DLG2: variants seen among roughly 807,000 people sequenced by gnomAD.
DLG2 encodes disks large homolog 2.
Under a neutral mutation model 132.5 loss-of-function variants are expected in DLG2, and 45 were observed. The observed-to-expected ratio is 0.34, with a 90% confidence interval of 0.27 to 0.44. The LOEUF is 0.44. DLG2 is among the 20% of genes least tolerant of loss of function. The pLI, the probability that DLG2 is intolerant of heterozygous loss-of-function variation, is 1.00. For synonymous variants in DLG2, 424 were observed against 419.6 expected (o/e 1.01, Z -0.13); for missense variants, 1,045 against 1,196.9 (o/e 0.87, Z 1.87).
intron 4 of DLG2, among the ~76,000 whole-genome samples, chr11:85,236,501 A>G (rs897270774): frequency 3.3e-5 from 5 of 151,948 alleles, no homozygotes; most frequent in African/African-American, 1.2e-4. Flanking sequence ...AGTCATATTG[A>G]ATGAGGGTCT....
intron 3 of DLG2, among the ~76,000 whole-genome samples, chr11:85,487,028 C>G (rs1218115969): frequency 1.3e-5 from 2 of 150,636 alleles, no homozygotes; most frequent in East Asian, 3.9e-4. Context: ...ATACCACTGA[C>G]CCTGTGTGCT....
At position 83,791,548 on chromosome 11, in the gene DLG2, T is replaced by G. The variant is rs191572431; in HGVS notation, c.1723-4756A>C. 4,258 of 551,836 alleles carry G rather than the reference T, an allele frequency of 7.7e-3. 30 individuals are homozygous for G. Among genetic ancestry groups the G allele is most frequent in the Middle Eastern group, 0.018 (60 of 3,418 alleles). The allele number at this position is 551,836 out of a possible 1,614,324, so 34.2% of individuals were successfully genotyped here. The stretch of plus-strand genomic sequence containing the variant: ...TTACTTTTATTCAAGTTAAAGGATT[T>G]CCAGAAGGTTTTAAAACTGATTTTC... On this transcript the variant is annotated intron_variant, in intron 17 of 27. Transcript: ENST00000376104.
chr11:85,280,869 A>T (rs2078178811), intron 4 of DLG2, among the ~76,000 whole-genome samples: 4 of 151,698 alleles, frequency 2.6e-5, no homozygotes, highest in Admixed American at 6.6e-5. Context: ...AATGTTTTTA[A>T]AAAGGTCATT....
intron 8 of DLG2, among the ~76,000 whole-genome samples, chr11:84,163,744 A>C (rs1170728122): frequency 6.6e-6 from 1 of 152,146 alleles, no homozygotes. Context: ...TCCCTTAGTA[A>C]TTCTGTGATT....
At chr11:84,633,023 C>T (rs1380496773) in intron 6 of DLG2, among the ~76,000 whole-genome samples, 1 of 152,124 alleles carries the variant, frequency 6.6e-6, no homozygotes, top group African/African-American at 2.4e-5. Flanking sequence ...TAGGACTCTG[C>T]TCCTGAGATG....
At chr11:84,115,973 T>C (rs2093615319) in intron 9 of DLG2, among the ~76,000 whole-genome samples, 1 of 152,182 alleles carries the variant, frequency 6.6e-6, no homozygotes, top group Admixed American at 6.5e-5. Context: ...GTTTAAGAAA[T>C]GAGTGTCTCA....
At chr11:84,083,204 C>A (rs1448112541) in intron 10 of DLG2, among the ~76,000 whole-genome samples, 3 of 152,116 alleles carry the variant, frequency 2.0e-5, no homozygotes, top group Non-Finnish European at 4.4e-5. Flanking sequence ...CGCTTGAACC[C>A]AGGAGGTGGA....
chr11:85,102,633 C>A (rs897845273), intron 6 of DLG2, among the ~76,000 whole-genome samples: 1 of 151,898 alleles, frequency 6.6e-6, no homozygotes, highest in African/African-American at 2.4e-5. Context: ...AGGGAACTTC[C>A]TCAGCTTGAT....
At chr11:85,414,924 A>G in intron 3 of DLG2, among the ~76,000 whole-genome samples, 1 of 152,010 alleles carries the variant, frequency 6.6e-6, no homozygotes, top group African/African-American at 2.4e-5. Flanking sequence ...GATTTTTTAC[A>G]TAGGTATACA....
At chr11:85,185,864 G>T (rs890029675) in intron 4 of DLG2, among the ~76,000 whole-genome samples, 3 of 151,830 alleles carry the variant, frequency 2.0e-5, no homozygotes, top group Non-Finnish European at 2.9e-5. Flanking sequence ...CAAAAGCCAT[G>T]TAAGGTAGAT....
chr11:84,699,369 C>T (rs2058962367), intron 6 of DLG2, among the ~76,000 whole-genome samples: 1 of 151,506 alleles, frequency 6.6e-6, no homozygotes, highest in Non-Finnish European at 1.5e-5. Flanking sequence ...AATATAATAA[C>T]TGTTGGCTTT....
intron 6 of DLG2, among the ~76,000 whole-genome samples, chr11:84,992,871 T>C (rs752337628): frequency 1.3e-5 from 2 of 152,142 alleles, no homozygotes; most frequent in Non-Finnish European, 2.9e-5. Flanking sequence ...GTGTTGCAAA[T>C]CCTCAAGGAT....
At chr11:84,881,151 G>A (rs1298869790) in intron 6 of DLG2, among the ~76,000 whole-genome samples, 1 of 152,124 alleles carries the variant, frequency 6.6e-6, no homozygotes, top group Non-Finnish European at 1.5e-5. Flanking sequence ...AAATTAGTAA[G>A]TGCCTGCTGA....
intron 15 of DLG2, among the ~76,000 whole-genome samples, chr11:83,927,728 A>C (rs1046201607): frequency 6.6e-6 from 1 of 152,142 alleles, no homozygotes; most frequent in Non-Finnish European, 1.5e-5. Context: ...ACTGAGAATA[A>C]GCCTGGAGGT....
chr11:84,359,072 G>T (rs2098634797), intron 7 of DLG2, among the ~76,000 whole-genome samples: 1 of 151,866 alleles, frequency 6.6e-6, no homozygotes, highest in Admixed American at 6.6e-5. Context: ...AAACCCAGGT[G>T]TATCTGACCC....
intron 6 of DLG2, among the ~76,000 whole-genome samples, chr11:84,966,221 T>A (rs1190972249): frequency 6.6e-6 from 1 of 152,086 alleles, no homozygotes; most frequent in Non-Finnish European, 1.5e-5. Flanking sequence ...TATCTATCTG[T>A]CTGTCTGTTT....
chr11:85,021,497 C>A (rs964176842), intron 6 of DLG2: 2 of 1,479,820 alleles, frequency 1.4e-6, no homozygotes, highest in Non-Finnish European at 1.9e-6. Context: ...TGAAAGAAGG[C>A]AAAGCCGTTA....
intron 3 of DLG2, among the ~76,000 whole-genome samples, chr11:85,358,049 G>A (rs768816232): frequency 2.0e-4 from 30 of 151,550 alleles, no homozygotes; most frequent in Non-Finnish European, 4.0e-4. Context: ...CTAAGATGGT[G>A]ATTAAGAGAT....
At chr11:85,037,663 GT>G (rs201315064) in intron 6 of DLG2, among the ~76,000 whole-genome samples, 1 of 152,042 alleles carries the variant, frequency 6.6e-6, no homozygotes, top group East Asian at 1.9e-4. Flanking sequence ...AATGTGGTGG[GT>G]TTTTTTGCAC....
Sources: allele counts gnomAD v4.1 joint callset (sites outside exome capture counted in the v4.1 genomes callset), GRCh38; gene constraint gnomAD v4.1.1; transcripts MANE v1.5; gene names NCBI Gene and HGNC (gene_info 2026-07-23, HGNC 2026-07-21).